PDIA5: variants seen among roughly 807,000 people sequenced by gnomAD.
The protein encoded by PDIA5 is protein disulfide-isomerase A5.
A neutral mutation model predicts 77.6 loss-of-function variants in PDIA5; 58 were observed. That is an observed-to-expected ratio of 0.75 (90% CI 0.61 to 0.93). PDIA5 has a LOEUF of 0.93. Ranked by LOEUF, PDIA5 falls within the 40% of genes least tolerant of loss-of-function variation. The pLI is 0.00. For synonymous variants in PDIA5, 250 were observed against 252.1 expected, an observed-to-expected ratio of 0.99 and a Z score of 0.08; for missense variants, 630 against 647.7, an observed-to-expected ratio of 0.97 and a Z score of 0.30.
chr3:123,118,476 G>A (rs1935042968), intron 8 of PDIA5, among the ~76,000 whole-genome samples: 1 of 151,908 alleles, frequency 6.6e-6, no homozygotes, highest in Non-Finnish European at 1.5e-5. Flanking sequence ...CAGACCCACT[G>A]AAGCAGAAGA....
At chr3:123,084,444 C>T (rs1301359359) in intron 1 of PDIA5, among the ~76,000 whole-genome samples, 4 of 152,122 alleles carry the variant, frequency 2.6e-5, no homozygotes, top group East Asian at 1.9e-4. Flanking sequence ...TCTCTGTGGA[C>T]GCAGCCCTCC....
intron 8 of PDIA5, among the ~76,000 whole-genome samples, chr3:123,120,004 C>T (rs1326790256): frequency 1.3e-5 from 2 of 152,192 alleles, no homozygotes; most frequent in Non-Finnish European, 2.9e-5. Flanking sequence ...CGTCTGGTGA[C>T]TCATCGCGTC....
chr3:123,146,138 A>G lies in PDIA5; in HGVS notation c.1021A>G (p.Lys341Glu). 3 of 1,614,198 alleles carry G rather than the reference A, an allele frequency of 1.9e-6. No individual in the cohort carries two copies. In the South Asian group the frequency reaches 3.3e-5, roughly 18 times the overall value. Residue 341 changes from lysine to glutamate, a missense_variant, in exon 13 of 17, where the codon AAG becomes GAG. By Grantham distance (56) the Lys-to-Glu change is moderately conservative. Transcript: ENST00000316218. ...TGCAGCTGTCGATGCCACTGTCAAC[A>G]AGGCCCTGGCAGAAAGATTCCACAT... ...VLAAVDATVNKALAERFHISE... is the reference protein window; with the variant it reads ...VLAAVDATVNEALAERFHISE...
chr3:123,151,875 G>GCCTT (rs1935912324), intron 14 of PDIA5, among the ~76,000 whole-genome samples: 2 of 90,942 alleles, frequency 2.2e-5, no homozygotes, highest in African/African-American at 4.4e-5. Context: ...CTTCCTGCCC[G>GCCTT]CCTTCCTGCC....
chr3:123,093,442 G>T (rs1267341648), intron 3 of PDIA5, among the ~76,000 whole-genome samples: 1 of 152,174 alleles, frequency 6.6e-6, no homozygotes, highest in East Asian at 1.9e-4. Context: ...AAAGTAAAAA[G>T]CCTATTAAAT....
chr3:123,121,655 G>C (rs1211132845), intron 8 of PDIA5, among the ~76,000 whole-genome samples: 1 of 152,204 alleles, frequency 6.6e-6, no homozygotes, highest in African/African-American at 2.4e-5. Flanking sequence ...GGAGGCGGGG[G>C]ATGGGCAGCC....
intron 14 of PDIA5, among the ~76,000 whole-genome samples, chr3:123,151,533 T>C (rs527249745): frequency 6.6e-6 from 1 of 152,190 alleles, no homozygotes; most frequent in African/African-American, 2.4e-5. Context: ...GACGAAATAC[T>C]TTCCCCCAGA....
chr3:123,086,013 C>T (rs925803395), intron 1 of PDIA5, among the ~76,000 whole-genome samples: 21 of 152,112 alleles, frequency 1.4e-4, no homozygotes, highest in East Asian at 1.9e-4. Context: ...ATAAGGGCAG[C>T]GGGTCCTCAG....
chr3:123,081,208 C>G (rs1933994022), intron 1 of PDIA5, among the ~76,000 whole-genome samples: 1 of 152,098 alleles, frequency 6.6e-6, no homozygotes, highest in African/African-American at 2.4e-5. Flanking sequence ...TGGTGGTGGT[C>G]GTGAGAATGG....
chr3:123,096,003 G>A lies in PDIA5; in HGVS notation c.257+3561G>A, dbSNP rs986128663. On this transcript the variant is annotated intron_variant, in intron 3 of 16. Transcript: ENST00000316218. ...CAGGCTTGGTGTGTGTGTTATAAGC[G>A]TGGCTGTGGGCGTGTGCCTTCTAGT... Among the ~76,000 whole-genome samples, 25 of 152,094 alleles carry A rather than the reference G, an allele frequency of 1.6e-4. 1 individual carries two copies. Among genetic ancestry groups the A allele is most frequent in the Non-Finnish European group, 1.3e-4 (9 of 68,014 alleles).
At chr3:123,117,145 A>G (rs114359506) in intron 8 of PDIA5, among the ~76,000 whole-genome samples, 1,522 of 151,750 alleles carry the variant, frequency 0.01, 30 homozygotes, top group African/African-American at 0.035. Flanking sequence ...CCTTGTGTCT[A>G]TTATTTTTTC....
At chr3:123,160,134 G>C (rs939419589) in intron 15 of PDIA5, among the ~76,000 whole-genome samples, 12 of 152,188 alleles carry the variant, frequency 7.9e-5, no homozygotes, top group Non-Finnish European at 1.6e-4. Flanking sequence ...ATCTAGAACA[G>C]GCTTGGCACA....
chr3:123,130,425 G>T, intron 10 of PDIA5, 55 bp from the exon 11 acceptor site: 1 of 1,553,500 alleles, frequency 6.4e-7, no homozygotes, highest in Non-Finnish European at 8.7e-7. Flanking sequence ...GGAATTAGAA[G>T]GGCTGCCAAG....
chr3:123,156,031 G>T (rs189822211), intron 15 of PDIA5, among the ~76,000 whole-genome samples: 1 of 152,090 alleles, frequency 6.6e-6, no homozygotes, highest in South Asian at 2.1e-4. Flanking sequence ...TCCCAGGGCC[G>T]GGTGGGCAGG....
intron 1 of PDIA5, among the ~76,000 whole-genome samples, chr3:123,080,552 C>A (rs113662371): frequency 2.2e-4 from 33 of 152,320 alleles, no homozygotes; most frequent in African/African-American, 6.7e-4. Flanking sequence ...CTGATAAGAA[C>A]AGGCACACTG....
intron 1 of PDIA5, among the ~76,000 whole-genome samples, chr3:123,082,582 C>G (rs1056195446): frequency 6.6e-5 from 10 of 152,070 alleles, no homozygotes; most frequent in Non-Finnish European, 1.2e-4. Context: ...CGTGTTCGCT[C>G]CTTCCTGCCT....
intron 10 of PDIA5, among the ~76,000 whole-genome samples, chr3:123,127,789 G>A (rs550369343): frequency 1.2e-3 from 182 of 152,222 alleles, no homozygotes; most frequent in Non-Finnish European, 1.2e-3. Context: ...TCCTTTCTCC[G>A]AATTAAACAC....
chr3:123,069,770 T>A (rs1449819035), intron 1 of PDIA5, among the ~76,000 whole-genome samples: 7 of 152,154 alleles, frequency 4.6e-5, no homozygotes, highest in Middle Eastern at 3.4e-3. Flanking sequence ...GATTTTAACA[T>A]ATGAATTTTC....
intron 14 of PDIA5, among the ~76,000 whole-genome samples, chr3:123,152,497 T>C (rs186422497): frequency 1.3e-5 from 2 of 152,320 alleles, no homozygotes; most frequent in Admixed American, 1.3e-4. Context: ...AAAAGATACA[T>C]CTTTTGACTT....
Sources: gnomAD v4.1 joint callset for allele counts (sites outside exome capture counted in the v4.1 genomes callset) on GRCh38, gnomAD v4.1.1 for gene constraint, MANE v1.5 for transcripts, NCBI Gene and HGNC (gene_info 2026-07-23, HGNC 2026-07-21) for gene names.